JCAD: variants seen among roughly 807,000 people sequenced by gnomAD.
The protein encoded by JCAD is junctional cadherin 5 associated, also known as junctional cadherin 5-associated protein.
JCAD carries 40 observed loss-of-function variants against 98.0 expected under a neutral mutation model. The observed-to-expected ratio is 0.41, with a 90% confidence interval of 0.32 to 0.53. The LOEUF is 0.53. Ranked by LOEUF, JCAD falls within the 20% of genes least tolerant of loss-of-function variation. The probability of loss-of-function intolerance (pLI) is 0.31; values close to 1 mark genes in which losing one functional copy is unlikely to be tolerated. For synonymous variants in JCAD, 691 were observed against 682.3 expected (o/e 1.01, Z -0.20); for missense variants, 1,705 against 1,738.1 (o/e 0.98, Z 0.34).
Position 30,067,073 on chromosome 10 carries a change from G to A in JCAD, n.250+2627C>T, listed in dbSNP as rs180683201. Among the ~76,000 whole-genome samples the A allele has an allele frequency of 4.6e-5, 7 of 152,074 alleles. No homozygotes were observed. The East Asian group carries it at 1.2e-3, about 25-fold the overall frequency. The stretch of plus-strand genomic sequence containing the variant: ...TGGTTCCAGTTACTCAGGAGGCTGA[G>A]GTGGGAGGATTGCTTAAGCCTAAGA... On this transcript the variant is annotated intron_variant and non_coding_transcript_variant, in intron 2 of 2. Coordinates refer to the JCAD transcript ENST00000465712.
At chr10:30,093,712 G>A (rs966947222) in intron 1 of JCAD, among the ~76,000 whole-genome samples, 25 of 152,246 alleles carry the variant, frequency 1.6e-4, no homozygotes, top group African/African-American at 5.1e-4. Flanking sequence ...CGGGAATCCC[G>A]GGGATAGAGT....
At chr10:30,100,102 C>G (rs1838444252) in intron 1 of JCAD, among the ~76,000 whole-genome samples, 1 of 152,196 alleles carries the variant, frequency 6.6e-6, no homozygotes, top group South Asian at 2.1e-4. Flanking sequence ...CCCTTCCCCT[C>G]CCTTGTCCAA....
intron 3 of JCAD, among the ~76,000 whole-genome samples, chr10:30,019,941 AG>A (rs200892058): frequency 0.011 from 1,704 of 152,080 alleles, 16 homozygotes; most frequent in Middle Eastern, 0.037. Flanking sequence ...AAAAAGAAAA[AG>A]GAAAAAAAAC....
At chr10:30,094,183 T>C (rs911815164) in intron 1 of JCAD, among the ~76,000 whole-genome samples, 11 of 152,092 alleles carry the variant, frequency 7.2e-5, no homozygotes, top group Non-Finnish European at 1.2e-4. Context: ...GGTTCATGCC[T>C]ATAATTCCAG....
chr10:30,019,460 C>T (rs1836612313), intron 3 of JCAD, among the ~76,000 whole-genome samples: 1 of 147,906 alleles, frequency 6.8e-6, no homozygotes, highest in African/African-American at 2.5e-5. Flanking sequence ...TTTACAACAA[C>T]ATGGATTAAA....
chr10:30,051,284 GCACACA>G (rs58845322), intron 1 of JCAD, among the ~76,000 whole-genome samples: 14 of 146,868 alleles, frequency 9.5e-5, no homozygotes, highest in Admixed American at 2.0e-4. Context: ...ACACACGCAC[GCACACA>G]CACACACACA....
rs192117459 is a variant in JCAD, at chr10:30,024,196, T to C, written c.4045+1907A>G. On this transcript the variant is annotated intron_variant, in intron 3 of 3. Transcript: ENST00000375377. ...AACAAAACAAAAAACCTTCCTGAAA[T>C]AGGTTTCCATGAACTGAGACACAGA... Among the ~76,000 whole-genome samples, 184 of 152,182 alleles carry C rather than the reference T, an allele frequency of 1.2e-3. 2 individuals carry two copies. Among genetic ancestry groups the C allele is most frequent in the African/African-American group, 4.2e-3 (175 of 41,534 alleles).
chr10:30,092,206 G>A (rs746448733), intron 1 of JCAD, among the ~76,000 whole-genome samples: 71 of 145,708 alleles, frequency 4.9e-4, no homozygotes, highest in Non-Finnish European at 7.0e-4. Flanking sequence ...GATTTTCTAC[G>A]ACACTAGGGA....
intron 3 of JCAD, among the ~76,000 whole-genome samples, chr10:30,023,434 G>A (rs1210380196): frequency 6.6e-6 from 1 of 152,188 alleles, no homozygotes; most frequent in Non-Finnish European, 1.5e-5. Context: ...GTACAGGTTT[G>A]CAGCCTGGGA....
At chr10:30,114,043 C>T (rs1838751808) in intron 1 of JCAD, among the ~76,000 whole-genome samples, 1 of 151,950 alleles carries the variant, frequency 6.6e-6, no homozygotes, top group East Asian at 1.9e-4. Flanking sequence ...GCACTTAGCC[C>T]CCTCTGTAAG....
chr10:30,028,868 T>C lies in JCAD; in HGVS notation c.1280A>G (p.Asp427Gly), dbSNP rs532793263. 1.4e-5 allele frequency: 23 copies of C among 1,614,144 alleles called. No homozygotes were observed. In the East Asian group the frequency reaches 4.5e-4, roughly 31 times the overall value. The change falls in exon 3 of 4, where the codon GAT (aspartate) becomes GGT (glycine). Residue 427 changes from aspartate (D) to glycine (G), a missense_variant. Coordinates refer to ENST00000375377, the MANE Select transcript of JCAD (RefSeq NM_020848.4). Reference protein sequence around the residue: ...YDGFVQYIPFDDPRLRHFKLA... With the variant: ...YDGFVQYIPFGDPRLRHFKLA... ...TTTAAAATGTCGTAACCGTGGATCATCAAAGGGAATGTACTGAACGAAGCC... is the reference window on the plus strand; with the variant it reads ...TTTAAAATGTCGTAACCGTGGATCACCAAAGGGAATGTACTGAACGAAGCC...
intron 1 of JCAD, among the ~76,000 whole-genome samples, chr10:30,112,732 C>A (rs1292271909): frequency 1.3e-5 from 2 of 151,806 alleles, no homozygotes; most frequent in African/African-American, 4.8e-5. Flanking sequence ...ATTAGCCAGG[C>A]GTGGTGGCAC....
rs1836824214 is a variant in JCAD at position 30,026,916 on chromosome 10, G to A, written c.3232C>T (p.Pro1078Ser). The A allele has an allele frequency of 6.2e-7, 1 of 1,614,086 alleles. No individual in the cohort carries two copies. Among genetic ancestry groups the A allele is most frequent in the Non-Finnish European group, 8.5e-7 (1 of 1,180,002 alleles). ...GCCCTGGCTTGCAAGGACTCACCTG[G>A]GGGGATTTCTATTGTGCTTGCTTCA... ...LGEASTIEIP[P>S]GESLQARAAR... The change falls in exon 3 of 4, where the codon CCA becomes TCA. Residue 1078 changes from proline to serine, a missense_variant. Around this residue, in one of 3 missense-constraint regions of JCAD, gnomAD observed 1,278 missense variants for 1,243.1 expected, o/e 1.03. Transcript: ENST00000375377.
intron 2 of JCAD, among the ~76,000 whole-genome samples, chr10:30,031,630 C>T (rs1165304807): frequency 2.0e-5 from 3 of 150,788 alleles, no homozygotes; most frequent in African/African-American, 2.4e-5. Context: ...TTAGTAGAGA[C>T]GAGGTTTCAC....
At chr10:30,068,146 C>CG (rs1230468341) in intron 2 of JCAD, among the ~76,000 whole-genome samples, 1 of 151,942 alleles carries the variant, frequency 6.6e-6, no homozygotes, top group African/African-American at 2.4e-5. Flanking sequence ...CGTAGCACTT[C>CG]GGGGGGCCGA....
At chr10:30,034,035 C>T (rs1837057812) in intron 2 of JCAD, among the ~76,000 whole-genome samples, 1 of 151,556 alleles carries the variant, frequency 6.6e-6, no homozygotes, top group Admixed American at 6.6e-5. Context: ...CCAGCCTGGC[C>T]AACACAGTGA....
intron 2 of JCAD, among the ~76,000 whole-genome samples, chr10:30,069,446 C>CAAAA (rs35069678): frequency 1.9e-5 from 2 of 105,586 alleles, no homozygotes; most frequent in South Asian, 3.8e-4. Flanking sequence ...AGAAAATTTA[C>CAAAA]AAAAAAAAAA....
At chr10:30,046,251 C>G (rs2132641900) in intron 2 of JCAD, among the ~76,000 whole-genome samples, 1 of 152,268 alleles carries the variant, frequency 6.6e-6, no homozygotes, top group East Asian at 1.9e-4. Flanking sequence ...TGGAAACCGC[C>G]TGGGAGAGGG....
At chr10:30,113,973 G>T (rs1329414184) in intron 1 of JCAD, among the ~76,000 whole-genome samples, 2 of 152,166 alleles carry the variant, frequency 1.3e-5, no homozygotes, top group African/African-American at 2.4e-5. Context: ...GCCTCGTAAA[G>T]GTTGGGTGCA....
Sources: allele counts gnomAD v4.1 joint callset (sites outside exome capture counted in the v4.1 genomes callset), GRCh38; gene constraint gnomAD v4.1.1; regional missense constraint gnomAD v4.1.1; transcripts MANE v1.5; gene names NCBI Gene and HGNC (gene_info 2026-07-23, HGNC 2026-07-21).